The following ADAMTSL1 variants were observed in gnomAD, a reference collection of about 807,000 sequenced individuals.
The protein encoded by ADAMTSL1 is ADAMTS-like protein 1.
Under a neutral mutation model 201.8 loss-of-function variants are expected in ADAMTSL1, and 126 were observed. The ratio of observed to expected loss-of-function variants is 0.62; its 90% CI spans 0.54 to 0.72. The LOEUF is 0.72. ADAMTSL1 is among the 30% of genes least tolerant of loss of function. ADAMTSL1 has a pLI of 0.00. For synonymous variants in ADAMTSL1, 1,121 were observed against 903.4 expected (o/e 1.24, Z -4.32); for missense variants, 2,679 against 2,277.8 (o/e 1.18, Z -3.59).
chr9:18,639,369 A>G lies in ADAMTSL1; in HGVS notation c.792A>G (p.Ile264Met). The G allele has an allele frequency of 6.2e-7, 1 of 1,613,004 alleles. No individual in the cohort carries two copies. The highest frequency in any genetic ancestry group is 8.5e-7 in the Non-Finnish European group (1 of 1,179,250). ...TCCAGAAATTTCCAGACAAAGAGAT[A>G]CTGAGAATGGCTGGACCACTCACAG... The part of the protein sequence containing the change: ...VDFQKFPDKE[I>M]LRMAGPLTAD... Residue 264 changes from isoleucine (I) to methionine (M), a missense_variant, in exon 7 of 29, where the codon ATA becomes ATG. By Grantham distance (10) the Ile-to-Met change is conservative. Coordinates refer to ENST00000380548, the MANE Select transcript of ADAMTSL1 (RefSeq NM_001040272.6).
chr9:18,676,301 C>T (rs1564141100), intron 10 of ADAMTSL1, among the ~76,000 whole-genome samples: 2 of 152,036 alleles, frequency 1.3e-5, no homozygotes, highest in Non-Finnish European at 2.9e-5. Context: ...AGTATTATTG[C>T]ACTACCACTA....
At chr9:18,306,789 A>G (rs1382568348) in intron 2 of ADAMTSL1, among the ~76,000 whole-genome samples, 2 of 152,204 alleles carry the variant, frequency 1.3e-5, no homozygotes, top group Non-Finnish European at 2.9e-5. Context: ...TATCCAGGAG[A>G]ACTTCCCCAA....
intron 1 of ADAMTSL1, among the ~76,000 whole-genome samples, chr9:17,980,055 T>TA (rs1183091124): frequency 6.6e-6 from 1 of 152,166 alleles, no homozygotes; most frequent in African/African-American, 2.4e-5. Flanking sequence ...TTCACTCTCC[T>TA]ATCCCATGCA....
intron 2 of ADAMTSL1, among the ~76,000 whole-genome samples, chr9:18,509,898 T>C (rs758651414): frequency 6.6e-6 from 1 of 152,208 alleles, no homozygotes; most frequent in Non-Finnish European, 1.5e-5. Context: ...ATGAACTTCA[T>C]GGGTTCTGTC....
chr9:18,561,579 T>A (rs1821498797), intron 3 of ADAMTSL1, among the ~76,000 whole-genome samples: 1 of 152,204 alleles, frequency 6.6e-6, no homozygotes, highest in Non-Finnish European at 1.5e-5. Context: ...GTCCTGAACA[T>A]CCTTGTTAAT....
intron 2 of ADAMTSL1, among the ~76,000 whole-genome samples, chr9:18,320,633 G>T (rs903931435): frequency 6.6e-6 from 1 of 152,134 alleles, no homozygotes; most frequent in African/African-American, 2.4e-5. Flanking sequence ...AAAATAGCTG[G>T]TTTTTAATGC....
At chr9:18,312,249 G>A (rs903694787) in intron 2 of ADAMTSL1, among the ~76,000 whole-genome samples, 2 of 152,188 alleles carry the variant, frequency 1.3e-5, no homozygotes, top group Non-Finnish European at 2.9e-5. Context: ...TAGAGGGCAA[G>A]ATTGGTGGCA....
intron 23 of ADAMTSL1, among the ~76,000 whole-genome samples, chr9:18,833,498 A>T (rs112106022): frequency 1.3e-5 from 2 of 152,128 alleles, no homozygotes; most frequent in Non-Finnish European, 2.9e-5. Context: ...ACGCATGTAT[A>T]TCTTCTTTTG....
At chr9:17,958,656 G>A (rs981382170) in intron 1 of ADAMTSL1, among the ~76,000 whole-genome samples, 2 of 152,106 alleles carry the variant, frequency 1.3e-5, no homozygotes, top group African/African-American at 4.8e-5. Flanking sequence ...TACCAGGGAA[G>A]TTCAAGTAAG....
At chr9:18,724,096 C>T (rs1817719978) in intron 15 of ADAMTSL1, among the ~76,000 whole-genome samples, 2 of 152,152 alleles carry the variant, frequency 1.3e-5, no homozygotes, top group Non-Finnish European at 2.9e-5. Context: ...GTCTGTGCTG[C>T]TATGCATGTG....
At chr9:18,638,637 G>T (rs1203781237) in intron 6 of ADAMTSL1, among the ~76,000 whole-genome samples, 1 of 152,008 alleles carries the variant, frequency 6.6e-6, no homozygotes, top group African/African-American at 2.4e-5. Flanking sequence ...AAGCAGTTAT[G>T]AAATACCTTA....
intron 20 of ADAMTSL1, among the ~76,000 whole-genome samples, chr9:18,814,711 A>G (rs1251233165): frequency 6.6e-6 from 1 of 152,150 alleles, no homozygotes; most frequent in Admixed American, 6.6e-5. Flanking sequence ...GAGGGAAACA[A>G]CAGATGCTAG....
At chr9:18,436,864 G>T (rs2133433526) in intron 2 of ADAMTSL1, among the ~76,000 whole-genome samples, 1 of 152,298 alleles carries the variant, frequency 6.6e-6, no homozygotes, top group Non-Finnish European at 1.5e-5. Context: ...AATGTTTGTT[G>T]CAGAGTGCCC....
At chr9:18,172,460 A>G (rs1827943680) in intron 2 of ADAMTSL1, among the ~76,000 whole-genome samples, 1 of 152,076 alleles carries the variant, frequency 6.6e-6, no homozygotes, top group Non-Finnish European at 1.5e-5. Flanking sequence ...ATAGGCAACA[A>G]ATTTAAAGGA....
At chr9:18,662,219 T>C (rs761371380) in intron 9 of ADAMTSL1, 146 bp downstream of exon 9, 8 of 1,088,140 alleles carry the variant, frequency 7.4e-6, no homozygotes, top group Non-Finnish European at 1.0e-5. Flanking sequence ...ACTAATCACG[T>C]GTTATTAGTA....
chr9:18,241,239 C>T (rs561415093), intron 2 of ADAMTSL1, among the ~76,000 whole-genome samples: 1 of 152,212 alleles, frequency 6.6e-6, no homozygotes, highest in South Asian at 2.1e-4. Context: ...AAGATAAATG[C>T]CTTTTCCTTT....
intron 7 of ADAMTSL1, among the ~76,000 whole-genome samples, chr9:18,656,116 T>C (rs1054927969): frequency 6.6e-6 from 1 of 152,094 alleles, no homozygotes; most frequent in Non-Finnish European, 1.5e-5. Flanking sequence ...TCAGACTTTC[T>C]GAGAAACATT....
chr9:18,290,048 G>C (rs1263064185), intron 2 of ADAMTSL1, among the ~76,000 whole-genome samples: 1 of 152,164 alleles, frequency 6.6e-6, no homozygotes, highest in Non-Finnish European at 1.5e-5. Flanking sequence ...GTGTGAGTGT[G>C]CCTGTGCCTT....
intron 1 of ADAMTSL1, among the ~76,000 whole-genome samples, chr9:17,962,174 A>G (rs1817783301): frequency 6.6e-6 from 1 of 152,160 alleles, no homozygotes; most frequent in Admixed American, 6.5e-5. Context: ...TCGGCTGACC[A>G]GGGTGAAACC....
Sources: allele counts gnomAD v4.1 joint callset (sites outside exome capture counted in the v4.1 genomes callset), GRCh38; gene constraint gnomAD v4.1.1; transcripts MANE v1.5; gene names NCBI Gene and HGNC (gene_info 2026-07-23, HGNC 2026-07-21).